The following PPP2R2B variants were observed in gnomAD, a reference collection of about 807,000 sequenced individuals.
PPP2R2B encodes the protein serine/threonine-protein phosphatase 2A 55 kDa regulatory subunit B beta isoform.
PPP2R2B carries 5 observed loss-of-function variants against 46.0 expected under a neutral mutation model. The ratio of observed to expected loss-of-function variants is 0.11; its 90% CI spans 0.06 to 0.23. The LOEUF (loss-of-function observed/expected upper bound fraction) is 0.23. PPP2R2B is among the 10% of genes least tolerant of loss of function. PPP2R2B has a pLI of 1.00. For missense variants in PPP2R2B, 367 were observed against 575.0 expected (o/e 0.64, Z 3.70); for synonymous variants, 215 against 206.7 (o/e 1.04, Z -0.34).
rs1281497386 is a variant in PPP2R2B, at chr5:146,586,238, A to AT, written c.*3708dup. Reference sequence around the variant, plus strand: ...TTTGTTTTGGAAGTGGGGTGGCATTATTAAAAACACACCGGCTTCATCCAC... The same window carrying AT: ...TTTGTTTTGGAAGTGGGGTGGCATTATTTAAAAACACACCGGCTTCATCCAC... On this transcript the variant is annotated 3_prime_UTR_variant, in exon 10 of 10. Transcript: ENST00000394411. The AT allele has an allele frequency of 6.6e-6, 1 of 152,318 alleles. No individual in the cohort carries two copies. Among genetic ancestry groups the AT allele is most frequent in the Non-Finnish European group, 1.5e-5 (1 of 68,128 alleles). 9.4% of individuals were successfully genotyped at this position (152,318 alleles called of 1,614,324 possible). A position where few individuals can be genotyped will look rare whatever the true frequency, so the allele number is the denominator to read the frequency against.
intron 1 of PPP2R2B, among the ~76,000 whole-genome samples, chr5:146,930,050 C>G (rs1223833910): frequency 2.0e-5 from 3 of 152,102 alleles, no homozygotes; most frequent in South Asian, 4.1e-4. Context: ...AGGCAGAAGA[C>G]AGACTAGAAA....
intron 2 of PPP2R2B, among the ~76,000 whole-genome samples, chr5:146,829,429 G>A (rs771051823): frequency 1.3e-4 from 20 of 152,282 alleles, no homozygotes; most frequent in African/African-American, 3.9e-4. Flanking sequence ...TAAAAAATGG[G>A]TAAGTGTTCA....
intron 1 of PPP2R2B, among the ~76,000 whole-genome samples, chr5:146,987,224 T>C (rs368653680): frequency 2.1e-4 from 32 of 152,234 alleles, no homozygotes; most frequent in African/African-American, 6.5e-4. Flanking sequence ...ACCTCATTAC[T>C]ACCAGACCTG....
chr5:146,635,456 T>C (rs1774752776), intron 7 of PPP2R2B, among the ~76,000 whole-genome samples: 1 of 152,192 alleles, frequency 6.6e-6, no homozygotes, highest in African/African-American at 2.4e-5. Context: ...CTATCTTGTG[T>C]TCAGTTCATC....
intron 2 of PPP2R2B, among the ~76,000 whole-genome samples, chr5:146,744,953 G>A (rs1213127961): frequency 6.6e-6 from 1 of 152,048 alleles, no homozygotes; most frequent in African/African-American, 2.4e-5. Flanking sequence ...TAGAGATCAG[G>A]CAGTTAAGAG....
chr5:146,850,263 C>T (rs1760262243), intron 2 of PPP2R2B, among the ~76,000 whole-genome samples: 1 of 152,160 alleles, frequency 6.6e-6, no homozygotes, highest in Non-Finnish European at 1.5e-5. Flanking sequence ...CTGAGTAAAT[C>T]ACGTGTCTCT....
At chr5:146,808,994 T>TGTGTGTGTGTGTGTGTGTGC (rs1442659063) in intron 2 of PPP2R2B, among the ~76,000 whole-genome samples, 1 of 134,400 alleles carries the variant, frequency 7.4e-6, no homozygotes, top group African/African-American at 2.7e-5. Flanking sequence ...TGTGTGTGTG[T>TGTGTGTGTGTGTGTGTGTGC]GCGCGCGCAC....
chr5:146,604,471 G>C (rs1772071264), intron 7 of PPP2R2B, among the ~76,000 whole-genome samples: 1 of 152,134 alleles, frequency 6.6e-6, no homozygotes, highest in South Asian at 2.1e-4. Flanking sequence ...GAGGAGAGAG[G>C]AAGAGAACTA....
intron 7 of PPP2R2B, among the ~76,000 whole-genome samples, chr5:146,605,545 C>G (rs1202585786): frequency 1.3e-5 from 2 of 152,238 alleles, no homozygotes; most frequent in African/African-American, 4.8e-5. Context: ...CGCAATTACC[C>G]TATTGTTGGG....
chr5:146,836,515 A>T (rs426865), intron 2 of PPP2R2B, among the ~76,000 whole-genome samples: 13 of 152,010 alleles, frequency 8.6e-5, no homozygotes, highest in Non-Finnish European at 1.0e-4. Flanking sequence ...TCAGCTCCTA[A>T]AAGAGTGCTG....
chr5:146,709,656 A>C (rs1223481624), intron 2 of PPP2R2B, among the ~76,000 whole-genome samples: 1 of 152,210 alleles, frequency 6.6e-6, no homozygotes, highest in African/African-American at 2.4e-5. Context: ...ATGTGTTCAT[A>C]ATACGTGGGG....
At position 147,031,101 on chromosome 5, in the gene PPP2R2B, G is replaced by A. The variant is rs1017898550; in HGVS notation, c.79+24564C>T. Reference sequence around the variant, plus strand: ...AAATGCAAAAAATTAGCTGGGCATGGTGGCGGGCCCCTGTAGTCCCAGCCA... The same window carrying A: ...AAATGCAAAAAATTAGCTGGGCATGATGGCGGGCCCCTGTAGTCCCAGCCA... On this transcript the variant is annotated intron_variant, in intron 1 of 8. Transcript: ENST00000336640. 2.0e-5 allele frequency among the ~76,000 whole-genome samples: 3 copies of A among 152,186 alleles called. No homozygotes were observed. In the South Asian group the frequency reaches 6.2e-4, roughly 32 times the overall value.
intron 2 of PPP2R2B, among the ~76,000 whole-genome samples, chr5:147,065,872 C>T (rs1580877223): frequency 6.6e-6 from 1 of 152,108 alleles, no homozygotes; most frequent in East Asian, 1.9e-4. Context: ...CTGCTGGGTG[C>T]GGGTCCGTGA....
chr5:147,045,606 C>T (rs982847482), intron 1 of PPP2R2B, among the ~76,000 whole-genome samples: 1 of 152,114 alleles, frequency 6.6e-6, no homozygotes. Context: ...GTATTCTCCT[C>T]ACAGCAGTCC....
chr5:146,904,611 T>C (rs1762939739), intron 1 of PPP2R2B, among the ~76,000 whole-genome samples: 1 of 152,212 alleles, frequency 6.6e-6, no homozygotes, highest in Non-Finnish European at 1.5e-5. Flanking sequence ...GAGTAATGGT[T>C]GTAACCACTG....
At chr5:146,886,786 T>G (rs1762342096) in intron 1 of PPP2R2B, among the ~76,000 whole-genome samples, 1 of 152,034 alleles carries the variant, frequency 6.6e-6, no homozygotes, top group Non-Finnish European at 1.5e-5. Context: ...AGAACATGCA[T>G]CATTTTAGAT....
intron 2 of PPP2R2B, among the ~76,000 whole-genome samples, chr5:147,075,078 C>T (rs1177558949): frequency 6.6e-6 from 1 of 152,074 alleles, no homozygotes. Flanking sequence ...GAAACTGCAC[C>T]AGATAATTCT....
At chr5:147,035,872 A>G (rs1234822358) in intron 1 of PPP2R2B, among the ~76,000 whole-genome samples, 1 of 152,214 alleles carries the variant, frequency 6.6e-6, no homozygotes, top group African/African-American at 2.4e-5. Context: ...TGGTACTATA[A>G]AAATATAATC....
intron 1 of PPP2R2B, among the ~76,000 whole-genome samples, chr5:147,011,439 T>A (rs1278018117): frequency 6.6e-6 from 1 of 152,170 alleles, no homozygotes; most frequent in African/African-American, 2.4e-5. Flanking sequence ...CAACTAACTA[T>A]ATAACTTGCT....
Sources: gnomAD v4.1 joint callset for allele counts (sites outside exome capture counted in the v4.1 genomes callset) on GRCh38, gnomAD v4.1.1 for gene constraint, MANE v1.5 for transcripts, NCBI Gene and HGNC (gene_info 2026-07-23, HGNC 2026-07-21) for gene names.